Variants in NMB observed in about 807,000 individuals in gnomAD.
NMB encodes the protein neuromedin-B.
A neutral mutation model predicts 11.7 loss-of-function variants in NMB; 12 were observed. The ratio of observed to expected loss-of-function variants is 1.03; its 90% CI spans 0.66 to 1.66. NMB has a LOEUF of 1.66. Ranked by LOEUF, NMB falls within the 40% of genes most tolerant of loss-of-function variation. The pLI is 0.00. For missense variants in NMB, 174 were observed against 157.9 expected, an observed-to-expected ratio of 1.10 and a Z score of -0.55; for synonymous variants, 76 against 72.6, an observed-to-expected ratio of 1.05 and a Z score of -0.24.
intron 2 of NMB, among the ~76,000 whole-genome samples, chr15:84,655,741 C>G (rs1301906341): frequency 6.6e-6 from 1 of 152,238 alleles, no homozygotes; most frequent in African/African-American, 2.4e-5. Flanking sequence ...CAGACGTAGG[C>G]ACTGCTGCTT....
At chr15:84,655,998 A>G (rs1054613462) in intron 2 of NMB, among the ~76,000 whole-genome samples, 1 of 152,134 alleles carries the variant, frequency 6.6e-6, no homozygotes, top group Non-Finnish European at 1.5e-5. Flanking sequence ...GGGGATATGA[A>G]GGCGAGTCTA....
chr15:84,658,071 TG>T lies in NMB; in HGVS notation c.81del (p.Ser28AlafsTer50). The T allele has an allele frequency of 6.3e-7, 1 of 1,585,450 alleles. No individual in the cohort carries two copies. The highest frequency in any genetic ancestry group is 1.1e-5 in the South Asian group (1 of 89,262). The part of the protein sequence containing the change: ...FALLAAGVAP[L>X]SWDLPEPRSR... ...CTGCGGGGCTCCGGGAGATCCCAGC[TG>T]AGCGGGGCGACGCCGGCAGCGAGCA... is the stretch of plus-strand genomic sequence containing the variant. On this transcript the variant is annotated frameshift_variant, in exon 1 of 3. Transcript: ENST00000360476. LOFTEE classifies it high-confidence loss of function.
Position 84,658,184 on chromosome 15 carries a change from G to C in NMB, c.-32C>G. ...GCCCGGGCCGCGGCTTCGTTCGGGC[G>C]CGCTTCCCGGCCGCTGGGCTCCGGG... is the stretch of plus-strand genomic sequence containing the variant. On this transcript the variant is annotated 5_prime_UTR_variant, in exon 1 of 3. Coordinates refer to ENST00000360476, the MANE Select transcript of NMB (RefSeq NM_021077.4). 1 of 1,424,154 alleles carries C rather than the reference G, an allele frequency of 7.0e-7. No individual in the cohort carries two copies. Among genetic ancestry groups the C allele is most frequent in the Non-Finnish European group, 9.1e-7 (1 of 1,103,442 alleles). 88.2% of individuals were successfully genotyped at this position (1,424,154 alleles called of 1,614,324 possible). A position where few individuals can be genotyped will look rare whatever the true frequency, so the allele number is the denominator to read the frequency against.
chr15:84,655,547 C>G, intron 2 of NMB, 138 bp from the exon 3 acceptor site: 2 of 1,090,862 alleles, frequency 1.8e-6, no homozygotes, highest in South Asian at 2.7e-5. Context: ...CCCAGAGCAC[C>G]CTGAATTGCC....
rs777370151 is a variant in NMB at position 84,657,189 on chromosome 15, G to A, written c.317C>T (p.Ala106Val). ...KALGVSLSRP[A>V]PQIQYRRLLV... ...GGCCCGGCTCACCTGGATTTGGGGT[G>A]CGGGGCGGCTGAGGCTCACGCCCAG... The change falls in exon 2 of 3, where the codon GCA (alanine) becomes GTA (valine). Residue 106 changes from alanine to valine, a missense_variant. Transcript: ENST00000360476. 6 of 1,611,278 alleles carry A rather than the reference G, an allele frequency of 3.7e-6. No individual in the cohort carries two copies. In the African/African-American group the frequency reaches 6.7e-5, roughly 18 times the overall value.
In NMB at chr15:84,658,154, G is replaced by A. The variant is rs756496016; in HGVS notation, c.-2C>T. On this transcript the variant is annotated 5_prime_UTR_variant, in exon 1 of 3. Coordinates refer to ENST00000360476, the MANE Select transcript of NMB (RefSeq NM_021077.4). ...AGCGCCCCCCGCCCGCCGGGCCATG[G>A]CTGTGCCCGGGCCGCGGCTTCGTTC... is the stretch of plus-strand genomic sequence containing the variant. 2.1e-6 allele frequency: 3 copies of A among 1,460,058 alleles called. No homozygotes were observed. The African/African-American group carries it at 4.5e-5, about 22-fold the overall frequency. 90.4% of individuals were successfully genotyped at this position (1,460,058 alleles called of 1,614,324 possible). A position where few individuals can be genotyped will look rare whatever the true frequency, so the allele number is the denominator to read the frequency against.
intron 2 of NMB, 38 bp downstream of exon 2, chr15:84,657,138 C>T: frequency 6.3e-7 from 1 of 1,586,892 alleles, no homozygotes; most frequent in South Asian, 1.1e-5. Context: ...ATGGCCCCAG[C>T]TGGGCCCTCC....
chr15:84,657,677 G>C (rs556178138), intron 1 of NMB, among the ~76,000 whole-genome samples: 1 of 152,270 alleles, frequency 6.6e-6, no homozygotes, highest in Admixed American at 6.5e-5. Context: ...GAGTGAAGAG[G>C]CGCCTGGAAA....
Position 84,655,288 on chromosome 15 carries a change from T to G in NMB, c.*86A>C. On this transcript the variant is annotated 3_prime_UTR_variant, in exon 3 of 3. Transcript: ENST00000360476. ...TTTGAGCTCAGGATTTACATCCAGA[T>G]GGGGCCATCAACAGGGTCCCATTCA... The G allele has an allele frequency of 6.2e-7, 1 of 1,610,004 alleles. No homozygotes were observed. Among genetic ancestry groups the G allele is most frequent in the East Asian group, 2.2e-5 (1 of 44,800 alleles).
At position 84,657,239 on chromosome 15, in the gene NMB, G is replaced by C; in HGVS notation, c.267C>G (p.Leu89=). ...DQRLQLSHDL[L]GILLLKKALG... Reference sequence around the variant, plus strand: ...GAGCCTTCTTTAGCAGGAGGATTCCGAGCAGATCATGACTCAGCTGCAGTC... The same window carrying C: ...GAGCCTTCTTTAGCAGGAGGATTCCCAGCAGATCATGACTCAGCTGCAGTC... Residue 89 remains leucine, a synonymous_variant, in exon 2 of 3, where the codon CTC becomes CTG. Transcript: ENST00000360476. The C allele has an allele frequency of 2.5e-6, 4 of 1,611,248 alleles. No individual in the cohort carries two copies. Among genetic ancestry groups the C allele is most frequent in the South Asian group, 1.1e-5 (1 of 90,354 alleles).
At chr15:84,657,853 A>G (rs1896804929) in intron 1 of NMB, 143 bp downstream of exon 1, 3 of 957,424 alleles carry the variant, frequency 3.1e-6, no homozygotes, top group Non-Finnish European at 4.4e-6. Flanking sequence ...TCAAGTACAT[A>G]TCTATTAAAT....
chr15:84,656,798 G>A (rs934663033), intron 2 of NMB, among the ~76,000 whole-genome samples: 4 of 152,034 alleles, frequency 2.6e-5, no homozygotes, highest in Non-Finnish European at 5.9e-5. Context: ...AGCAAAGGTG[G>A]ACTTGACTAA....
chr15:84,657,856 T>C (rs2141853868), intron 1 of NMB, 140 bp downstream of exon 1: 1 of 992,564 alleles, frequency 1.0e-6, no homozygotes, highest in Non-Finnish European at 1.4e-6. Context: ...AGTACATATC[T>C]ATTAAATTAG....
At position 84,655,298 on chromosome 15, in the gene NMB, A is replaced by T. The variant is rs761176696; in HGVS notation, c.*76T>A. On this transcript the variant is annotated 3_prime_UTR_variant, in exon 3 of 3. Coordinates refer to ENST00000360476, the MANE Select transcript of NMB (RefSeq NM_021077.4). ...GGATTTACATCCAGATGGGGCCATC[A>T]ACAGGGTCCCATTCAGCACCTTCCC... 3 of 1,612,174 alleles carry T rather than the reference A, an allele frequency of 1.9e-6. No individual in the cohort carries two copies. Among genetic ancestry groups the T allele is most frequent in the African/African-American group, 2.7e-5 (2 of 74,872 alleles).
rs746299945 is a variant in NMB at position 84,657,195 on chromosome 15, C to T, written c.311G>A (p.Arg104His). ...LKKALGVSLS[R>H]PAPQIQYRRL... ...GCTCACCTGGATTTGGGGTGCGGGG[C>T]GGCTGAGGCTCACGCCCAGAGCCTT... Residue 104 changes from arginine to histidine, a missense_variant, in exon 2 of 3, where the codon CGC (arginine) becomes CAC (histidine). Around this residue, in one of 2 missense-constraint regions of NMB, gnomAD observed 168 missense variants for 138.4 expected, o/e 1.21. Transcript: ENST00000360476. The T allele has an allele frequency of 2.0e-5, 33 of 1,611,484 alleles. No individual in the cohort carries two copies. The highest frequency in any genetic ancestry group is 1.7e-4 in the Middle Eastern group (1 of 5,718).
At position 84,657,291 on chromosome 15, in the gene NMB, G is replaced by A. The variant is rs1447160082; in HGVS notation, c.215C>T (p.Ala72Val). The A allele has an allele frequency of 1.3e-6, 2 of 1,597,164 alleles. No homozygotes were observed. Among genetic ancestry groups the A allele is most frequent in the Non-Finnish European group, 1.7e-6 (2 of 1,171,486 alleles). Residue 72 changes from alanine to valine, a missense_variant, in exon 2 of 3, where the codon GCT (alanine) becomes GTT (valine). Transcript: ENST00000360476. ...EPSSPSPLGT[A>V]PHTSLRDQRL... is the part of the protein sequence containing the mutation. ...CTGGTCCCTCAGGGAGGTGTGGGGA[G>A]CTGTCCCCAATGGGGATGGGCTGGA...
chr15:84,657,194 G>T lies in NMB; in HGVS notation c.312C>A (p.Arg104=). 1.9e-6 allele frequency: 3 copies of T among 1,611,910 alleles called. No homozygotes were observed. Among genetic ancestry groups the T allele is most frequent in the Non-Finnish European group, 2.5e-6 (3 of 1,179,442 alleles). ...LKKALGVSLS[R]PAPQIQYRRL... is the part of the protein sequence containing the mutation. ...GGCTCACCTGGATTTGGGGTGCGGG[G>T]CGGCTGAGGCTCACGCCCAGAGCCT... Residue 104 remains arginine, a synonymous_variant, in exon 2 of 3, where the codon CGC becomes CGA. Coordinates refer to ENST00000360476, the MANE Select transcript of NMB (RefSeq NM_021077.4).
chr15:84,657,105 T>C (rs773402497), intron 2 of NMB, 71 bp downstream of exon 2: 20 of 1,431,924 alleles, frequency 1.4e-5, no homozygotes, highest in Non-Finnish European at 1.8e-5. Flanking sequence ...TGGGTGGTAA[T>C]TCCTCCCATG....
In NMB at chr15:84,657,227, CAGG is replaced by C. The variant is rs772675640; in HGVS notation, c.276_278del (p.Leu94del). On this transcript the variant is annotated inframe_deletion, in exon 2 of 3. Coordinates refer to ENST00000360476, the MANE Select transcript of NMB (RefSeq NM_021077.4). ...GGCTCACGCCCAGAGCCTTCTTTAG[CAGG>C]AGGATTCCGAGCAGATCATGACTCA... is the stretch of plus-strand genomic sequence containing the variant. 1.3e-5 allele frequency: 21 copies of C among 1,612,206 alleles called. No homozygotes were observed. The East Asian group carries it at 4.7e-4, about 36-fold the overall frequency.
Sources: gnomAD v4.1 joint callset for allele counts (sites outside exome capture counted in the v4.1 genomes callset) on GRCh38, gnomAD v4.1.1 for gene constraint, gnomAD v4.1.1 regional missense constraint, MANE v1.5 for transcripts, NCBI Gene and HGNC (gene_info 2026-07-23, HGNC 2026-07-21) for gene names.